CXorf38: variants seen among roughly 807,000 people sequenced by gnomAD.
CXorf38 encodes uncharacterized protein CXorf38.
CXorf38 carries 13 observed loss-of-function variants against 27.5 expected under a neutral mutation model. The ratio of observed to expected loss-of-function variants is 0.47; its 90% CI spans 0.31 to 0.75. The LOEUF is 0.75. CXorf38 is among the 30% of genes least tolerant of loss of function. The probability of loss-of-function intolerance (pLI) is 0.05; values close to 1 mark genes in which losing one functional copy is unlikely to be tolerated. For synonymous variants in CXorf38, 100 were observed against 99.8 expected (o/e 1.00, Z -0.01); for missense variants, 240 against 253.2 (o/e 0.95, Z 0.35).
intron 5 of CXorf38, among the ~76,000 whole-genome samples, chrX:40,634,960 T>C (rs1211255851): frequency 8.9e-6 from 1 of 112,174 alleles, no homozygotes; most frequent in Non-Finnish European, 1.9e-5. Flanking sequence ...CTCCTCATTA[T>C]ATAAGATCTG....
chrX:40,634,497 G>A (rs754611606), intron 5 of CXorf38, among the ~76,000 whole-genome samples: 7 of 112,451 alleles, frequency 6.2e-5, no homozygotes, highest in Non-Finnish European at 9.4e-5. Flanking sequence ...CTATTGTAAC[G>A]TCTCAAATGA....
intron 1 of CXorf38, 51 bp from the exon 2 acceptor site, chrX:40,647,192 G>A: frequency 8.3e-7 from 1 of 1,202,644 alleles, no homozygotes; most frequent in Non-Finnish European, 1.1e-6. Context: ...ACGTCGCGGT[G>A]GGCCCCGCAT....
intron 5 of CXorf38, among the ~76,000 whole-genome samples, chrX:40,631,254 T>TATACAC (rs1223467291): frequency 1.1e-5 from 1 of 88,947 alleles, no homozygotes; most frequent in African/African-American, 4.2e-5. Flanking sequence ...TATATATATA[T>TATACAC]ACACACACAC....
At position 40,632,284 on chromosome X, in the gene CXorf38, G is replaced by C. The variant is rs572850321; in HGVS notation, c.802-1511C>G. ...CACTTGAGCGGAGACTTTCTCACAT[G>C]ATAACCCAGGAACGGTGGTCCTTGT... On this transcript the variant is annotated intron_variant, in intron 5 of 6. Transcript: ENST00000327877. Among the ~76,000 whole-genome samples, 24 of 111,675 alleles carry C rather than the reference G, an allele frequency of 2.1e-4. No homozygotes were observed. The South Asian group carries it at 6.8e-3, about 32-fold the overall frequency.
chrX:40,639,185 A>AG, intron 2 of CXorf38, 57 bp from the exon 3 acceptor site: 1 of 1,120,849 alleles, frequency 8.9e-7, no homozygotes, highest in Non-Finnish European at 1.2e-6. Flanking sequence ...AGGAGATGGA[A>AG]AGGCAATGGT....
intron 3 of CXorf38, among the ~76,000 whole-genome samples, chrX:40,637,448 A>T (rs1373167500): frequency 1.8e-5 from 2 of 110,937 alleles, no homozygotes; most frequent in Non-Finnish European, 3.8e-5. Flanking sequence ...TTTGCCTTCA[A>T]AGGTCAGGCA....
chrX:40,640,583 A>T (rs1928275742), intron 2 of CXorf38, among the ~76,000 whole-genome samples: 1 of 110,678 alleles, frequency 9.0e-6, no homozygotes. Flanking sequence ...GCCCGTCAAC[A>T]GGTACAATAG....
chrX:40,641,165 CA>C (rs1569271894), intron 2 of CXorf38, among the ~76,000 whole-genome samples: 1 of 110,601 alleles, frequency 9.0e-6, no homozygotes, highest in Non-Finnish European at 1.9e-5. Context: ...TGCAGTGAAT[CA>C]AGATTGTGTA....
In CXorf38 at chrX:40,631,243, GTATA is replaced by G. The variant is rs779122974; in HGVS notation, c.802-474_802-471del. 1.4e-3 allele frequency among the ~76,000 whole-genome samples: 82 copies of G among 60,547 alleles called. 1 individual carries two copies. Among genetic ancestry groups the G allele is most frequent in the South Asian group, 5.3e-3 (5 of 938 alleles). 52.6% of individuals were successfully genotyped at this position (60,547 alleles called of 115,157 possible). ...TACATGTGTATATATATGTGTGTAT[GTATA>G]TATATATACACACACACACACACAC... On this transcript the variant is annotated intron_variant, in intron 5 of 6. Coordinates refer to ENST00000327877, the MANE Select transcript of CXorf38 (RefSeq NM_144970.3).
intron 4 of CXorf38, 139 bp from the exon 5 acceptor site, chrX:40,636,851 C>A (rs981095981): frequency 1.3e-5 from 10 of 781,403 alleles, no homozygotes; most frequent in Non-Finnish European, 1.8e-5. Flanking sequence ...AGCTTCTCAG[C>A]CCAGCATAAT....
intron 2 of CXorf38, among the ~76,000 whole-genome samples, chrX:40,640,670 G>A (rs937436081): frequency 2.7e-5 from 3 of 110,996 alleles, no homozygotes; most frequent in Non-Finnish European, 3.8e-5. Flanking sequence ...ATTTTGGGCC[G>A]GGCGCACACC....
chrX:40,636,261 A>G (rs1240574365), intron 5 of CXorf38, among the ~76,000 whole-genome samples: 1 of 112,614 alleles, frequency 8.9e-6, no homozygotes, highest in Non-Finnish European at 1.9e-5. Flanking sequence ...GAATGTCTAG[A>G]GCATTTTTTT....
At position 40,636,659 on chromosome X, in the gene CXorf38, C is replaced by G. The variant is rs769423965; in HGVS notation, c.675G>C (p.Gly225=). ...GGTAAGTTCCCATTTCACATTCACA[C>G]CCATCTCGCTGATCTTCCTCGGGGA... ...VHIPEEDQRD[G]CECEMGTYLS... Residue 225 remains glycine (G), a synonymous_variant, in exon 5 of 7, where the codon GGG becomes GGC. Coordinates refer to ENST00000327877, the MANE Select transcript of CXorf38 (RefSeq NM_144970.3). 8.3e-7 allele frequency: 1 copy of G among 1,209,147 alleles called. No homozygotes were observed. The highest frequency in any genetic ancestry group is 1.1e-6 in the Non-Finnish European group (1 of 894,063).
chrX:40,630,335 G>C (rs899862958), intron 6 of CXorf38, 173 bp from the exon 7 acceptor site: 1 of 221,703 alleles, frequency 4.5e-6, no homozygotes, highest in African/African-American at 2.9e-5. Context: ...AGGCAGAAAT[G>C]CTTTTTGATT....
intron 5 of CXorf38, among the ~76,000 whole-genome samples, chrX:40,632,843 T>C (rs1425451426): frequency 8.9e-6 from 1 of 111,894 alleles, no homozygotes; most frequent in Non-Finnish European, 1.9e-5. Flanking sequence ...AGGATTCTTA[T>C]GAGGATCAGA....
chrX:40,639,223 G>C (rs1380182505), intron 2 of CXorf38, 95 bp from the exon 3 acceptor site: 1 of 968,525 alleles, frequency 1.0e-6, no homozygotes, highest in African/African-American at 1.9e-5. Context: ...AATGATGACT[G>C]AAGTTCTCTT....
chrX:40,643,545 G>A (rs1265292990), intron 2 of CXorf38, among the ~76,000 whole-genome samples: 3 of 108,442 alleles, frequency 2.8e-5, no homozygotes, highest in South Asian at 7.9e-4. Flanking sequence ...TTTCCCTCTT[G>A]TTGCCCAGGC....
At position 40,627,116 on chromosome X, in the gene CXorf38, A is replaced by C. The variant is rs1927546403; in HGVS notation, c.*3048T>G. 1.9e-5 allele frequency: 2 copies of C among 107,089 alleles called. No homozygotes were observed. The highest frequency in any genetic ancestry group is 2.0e-4 in the Admixed American group (2 of 10,118). The allele number at this position is 107,089 out of a possible 1,213,427, so 8.8% of individuals were successfully genotyped here. ...CAGCAAAAAAAAACTGGGGAAAAGC[A>C]AACAACTTTCCAGACCTCTACTATT... On this transcript the variant is annotated 3_prime_UTR_variant, in exon 7 of 7. Coordinates refer to ENST00000327877, the MANE Select transcript of CXorf38 (RefSeq NM_144970.3).
At chrX:40,636,941 T>A in intron 4 of CXorf38, 66 bp downstream of exon 4, 1 of 1,000,698 alleles carries the variant, frequency 1.0e-6, no homozygotes. Context: ...AAATTCTAAA[T>A]GTGTGGCTGT....
Sources: allele counts gnomAD v4.1 joint callset (sites outside exome capture counted in the v4.1 genomes callset), GRCh38; gene constraint gnomAD v4.1.1; transcripts MANE v1.5; gene names NCBI Gene and HGNC (gene_info 2026-07-23, HGNC 2026-07-21).